MON2: variants seen among roughly 807,000 people sequenced by gnomAD.
MON2 encodes the protein protein MON2 homolog.
In MON2, 84 loss-of-function variants were observed where a neutral mutation model predicts 208.6. The ratio of observed to expected loss-of-function variants is 0.40; its 90% CI spans 0.34 to 0.48. The LOEUF (loss-of-function observed/expected upper bound fraction) is 0.48. MON2 is among the 20% of genes least tolerant of loss of function. The pLI is 0.59. For missense variants in MON2, 1,611 were observed against 2,015.4 expected, an observed-to-expected ratio of 0.80 and a Z score of 3.84; for synonymous variants, 660 against 694.0, an observed-to-expected ratio of 0.95 and a Z score of 0.77.
chr12:62,570,070 T>C (rs1256277706), intron 29 of MON2, among the ~76,000 whole-genome samples: 3 of 152,196 alleles, frequency 2.0e-5, no homozygotes, highest in African/African-American at 7.2e-5. Flanking sequence ...TAGTTCATTA[T>C]GATGTTTTGG....
At position 62,537,554 on chromosome 12, in the gene MON2, T is replaced by A. The variant is rs1316739267; in HGVS notation, c.2014-48T>A. ...ATGCTACTTTATAAGCTTTTAATTT[T>A]TAAGAATACATAACAATTATTGAAA... is the stretch of plus-strand genomic sequence containing the variant. On this transcript the variant is annotated intron_variant, in intron 15 of 34. Coordinates refer to ENST00000393630, the MANE Select transcript of MON2 (RefSeq NM_015026.3). 2.9e-6 allele frequency: 4 copies of A among 1,384,606 alleles called. No individual in the cohort carries two copies. The South Asian group carries it at 5.2e-5, about 18-fold the overall frequency. 85.8% of individuals were successfully genotyped at this position (1,384,606 alleles called of 1,614,324 possible).
intron 1 of MON2, chr12:62,470,791 T>C (rs945185299): frequency 9.7e-7 from 1 of 1,031,734 alleles, no homozygotes. Flanking sequence ...TAGTATTCCA[T>C]GTAAAATAAA....
chr12:62,487,682 A>G (rs1175114524), intron 2 of MON2, among the ~76,000 whole-genome samples: 4 of 151,608 alleles, frequency 2.6e-5, no homozygotes, highest in African/African-American at 9.7e-5. Context: ...TTATATTTAT[A>G]TATTTAATAT....
intron 25 of MON2, among the ~76,000 whole-genome samples, chr12:62,557,088 GAA>G (rs778255391): frequency 2.3e-5 from 3 of 130,642 alleles, no homozygotes; most frequent in African/African-American, 5.7e-5. Context: ...ACCCTGTCTC[GAA>G]AAAAAAAAAA....
intron 30 of MON2, 137 bp from the exon 31 acceptor site, chr12:62,578,308 A>G (rs2074864688): frequency 1.7e-6 from 1 of 599,974 alleles, no homozygotes. Flanking sequence ...TTACAACATT[A>G]CTCTTTTAAA....
Position 62,560,916 on chromosome 12 carries a change from A to T in MON2, c.3835A>T (p.Ile1279Leu), listed in dbSNP as rs1423502121. 1 of 1,613,728 alleles carries T rather than the reference A, an allele frequency of 6.2e-7. No homozygotes were observed. Among genetic ancestry groups the T allele is most frequent in the African/African-American group, 1.3e-5 (1 of 74,920 alleles). ...GCCTTTTCTTACAGCTTTAATTCAG[A>T]TATTTCCAGCTCTCTACCAACACAT... ...SQPFLTALIQ[I>L]FPALYQHIKT... is the part of the protein sequence containing the mutation. The change falls in exon 26 of 35, where the codon ATA (isoleucine) becomes TTA (leucine). Residue 1279 changes from isoleucine to leucine, a missense_variant. Transcript: ENST00000393630.
chr12:62,545,688 G>A (rs1355603224), intron 21 of MON2: 5 of 151,482 alleles, frequency 3.3e-5, no homozygotes, highest in African/African-American at 9.8e-5. Context: ...ACAGAATGAG[G>A]CATTTAATAA....
intron 2 of MON2, among the ~76,000 whole-genome samples, chr12:62,485,161 G>A (rs1482719934): frequency 2.0e-5 from 3 of 152,112 alleles, no homozygotes; most frequent in Non-Finnish European, 4.4e-5. Context: ...AGGTTTCCAC[G>A]TTAGCCACTT....
At chr12:62,545,199 T>C (rs898006704) in intron 21 of MON2, among the ~76,000 whole-genome samples, 191 bp downstream of exon 21, 2 of 152,146 alleles carry the variant, frequency 1.3e-5, no homozygotes, top group African/African-American at 4.8e-5. Flanking sequence ...TAAAAAATTT[T>C]AAACATCTTG....
chr12:62,588,936 A>G lies in MON2; in HGVS notation c.4990+780A>G, dbSNP rs548253378. 163 of 1,384,784 alleles carry G rather than the reference A, an allele frequency of 1.2e-4. 1 individual carries two copies. In the South Asian group the frequency reaches 2.1e-3, roughly 18 times the overall value. The allele number at this position is 1,384,784 out of a possible 1,614,324, so 85.8% of individuals were successfully genotyped here. On this transcript the variant is annotated intron_variant, in intron 34 of 34. Coordinates refer to ENST00000393630, the MANE Select transcript of MON2 (RefSeq NM_015026.3). ...TTAAAGGTAAATAATTTTTCTTTTC[A>G]TTGAATGCAAAGCTTTTTTATGTGT...
Position 62,565,247 on chromosome 12 carries a change from T to C in MON2, c.4043T>C (p.Val1348Ala). The C allele has an allele frequency of 6.2e-7, 1 of 1,612,428 alleles. No homozygotes were observed. Among genetic ancestry groups the C allele is most frequent in the Admixed American group, 1.7e-5 (1 of 59,744 alleles). Reference sequence around the variant, plus strand: ...ATTTTGCTTTTATAGGCCATTTGTGTAGGACCAGAAAACATGCAGATAATG... The same window carrying C: ...ATTTTGCTTTTATAGGCCATTTGTGCAGGACCAGAAAACATGCAGATAATG... ...ALDVLQKAIC[V>A]GPENMQIMYP... The change falls in exon 27 of 35, where the codon GTA becomes GCA. Residue 1348 changes from valine (V) to alanine (A), a missense_variant. Transcript: ENST00000393630.
At chr12:62,592,289 G>C (rs2075421090) in intron 34 of MON2, among the ~76,000 whole-genome samples, 2 of 152,102 alleles carry the variant, frequency 1.3e-5, no homozygotes, top group African/African-American at 4.8e-5. Flanking sequence ...GGTTTGGATT[G>C]TTCTGAATTG....
chr12:62,538,556 A>T (rs759735987), intron 19 of MON2, 51 bp downstream of exon 19: 1 of 1,176,590 alleles, frequency 8.5e-7, no homozygotes, highest in Non-Finnish European at 1.3e-6. Context: ...GTTATATAAG[A>T]TGTACATCCA....
intron 11 of MON2, 40 bp downstream of exon 11, chr12:62,526,142 T>A (rs1464660092): frequency 3.2e-6 from 5 of 1,575,154 alleles, no homozygotes; most frequent in Non-Finnish European, 3.5e-6. Context: ...AATGATGTTG[T>A]TGGGGGTGAT....
In MON2 at chr12:62,561,085, T is replaced by A; in HGVS notation, c.4004T>A (p.Val1335Glu). 6.2e-7 allele frequency: 1 copy of A among 1,611,230 alleles called. No homozygotes were observed. The highest frequency in any genetic ancestry group is 2.2e-5 in the East Asian group (1 of 44,842). ...GTTTTGACAAGTTTACAGGAAGCTG[T>A]ACTTACAGCTTTAGATGTTCTCCAA... The part of the protein sequence containing the change: ...EAVLTSLQEA[V>E]LTALDVLQKA... Residue 1335 changes from valine to glutamate, a missense_variant, in exon 26 of 35, where the codon GTA (valine) becomes GAA (glutamate). Transcript: ENST00000393630.
chr12:62,576,199 C>T (rs549780974), intron 30 of MON2, among the ~76,000 whole-genome samples: 3 of 152,048 alleles, frequency 2.0e-5, no homozygotes, highest in South Asian at 2.1e-4. Context: ...TAATGCTAAG[C>T]GGAAGAAACT....
At position 62,488,249 on chromosome 12, in the gene MON2, T is replaced by C. The variant is rs2069909477; in HGVS notation, c.175+4016T>C. Among the ~76,000 whole-genome samples the C allele has an allele frequency of 3.3e-5, 5 of 151,998 alleles. No individual in the cohort carries two copies. In the South Asian group the frequency reaches 1.0e-3, roughly 32 times the overall value. On this transcript the variant is annotated intron_variant, in intron 2 of 34. Coordinates refer to ENST00000393630, the MANE Select transcript of MON2 (RefSeq NM_015026.3). ...TATGTGGTTAATGCTAAGGTAGAAG[T>C]ATAGAGAGGGTTGTTATGGGGACAT...
intron 31 of MON2, among the ~76,000 whole-genome samples, chr12:62,579,218 T>C (rs1311303638): frequency 6.6e-6 from 1 of 151,070 alleles, no homozygotes; most frequent in Non-Finnish European, 1.5e-5. Context: ...TGCTTCAGCC[T>C]GGGCAACAGA....
chr12:62,556,197 A>G lies in MON2; in HGVS notation c.3409+5A>G, dbSNP rs1302729889. On this transcript the variant is annotated splice_donor_5th_base_variant and intron_variant, in intron 25 of 34. Transcript: ENST00000393630. Reference sequence around the variant, plus strand: ...GATATTTGCTGCAGCCTTTAGGTATACGTACATTTTTTTCTGATTATACAA... The same window carrying G: ...GATATTTGCTGCAGCCTTTAGGTATGCGTACATTTTTTTCTGATTATACAA... 1.2e-6 allele frequency: 2 copies of G among 1,612,680 alleles called. No individual in the cohort carries two copies. Among genetic ancestry groups the G allele is most frequent in the Non-Finnish European group, 1.7e-6 (2 of 1,179,372 alleles).
Sources: gnomAD v4.1 joint callset for allele counts (sites outside exome capture counted in the v4.1 genomes callset) on GRCh38, gnomAD v4.1.1 for gene constraint, MANE v1.5 for transcripts, NCBI Gene and HGNC (gene_info 2026-07-23, HGNC 2026-07-21) for gene names.